TWIST2: variants seen among roughly 807,000 people sequenced by gnomAD.
TWIST2 encodes the protein twist-related protein 2.
TWIST2 carries 1 observed loss-of-function variant against 11.6 expected under a neutral mutation model. That is an observed-to-expected ratio of 0.09 (90% CI 0.03 to 0.41). TWIST2 has a LOEUF of 0.41. TWIST2 is among the 10% of genes least tolerant of loss of function. TWIST2 has a pLI of 0.98. For synonymous variants in TWIST2, 87 were observed against 96.6 expected (o/e 0.90, Z 0.58); for missense variants, 168 against 226.4 (o/e 0.74, Z 1.66).
At chr2:238,878,401 T>C (rs1192658375) in intron 1 of TWIST2, among the ~76,000 whole-genome samples, 2 of 152,216 alleles carry the variant, frequency 1.3e-5, no homozygotes, top group Non-Finnish European at 2.9e-5. Flanking sequence ...CCAGAGAGTA[T>C]AAACGCCAGA....
intron 1 of TWIST2, among the ~76,000 whole-genome samples, chr2:238,907,866 A>G (rs970406942): frequency 7.1e-6 from 1 of 141,204 alleles, no homozygotes; most frequent in Admixed American, 7.2e-5. Context: ...CATACACACC[A>G]CATACACACA....
At chr2:238,891,087 G>A (rs1020466915) in intron 1 of TWIST2, among the ~76,000 whole-genome samples, 1 of 152,216 alleles carries the variant, frequency 6.6e-6, no homozygotes, top group Non-Finnish European at 1.5e-5. Flanking sequence ...GACGGAGGAC[G>A]TCGATTAGAT....
chr2:238,887,931 G>A (rs1034385700), intron 1 of TWIST2, among the ~76,000 whole-genome samples: 3 of 152,202 alleles, frequency 2.0e-5, no homozygotes, highest in Non-Finnish European at 2.9e-5. Context: ...ACTGACATGA[G>A]CAGGAAAACC....
intron 1 of TWIST2, among the ~76,000 whole-genome samples, chr2:238,893,034 A>G (rs1423911719): frequency 6.6e-6 from 1 of 152,090 alleles, no homozygotes; most frequent in Admixed American, 6.6e-5. Context: ...CACGCCCCCA[A>G]CTGCTCCGCC....
At chr2:238,853,413 G>C (rs1385645381) in intron 1 of TWIST2, among the ~76,000 whole-genome samples, 1 of 146,532 alleles carries the variant, frequency 6.8e-6, no homozygotes, top group East Asian at 2.0e-4. Flanking sequence ...GGGAGAGAGG[G>C]AGAGATGGAG....
chr2:238,884,035 G>A (rs1559279891), intron 1 of TWIST2, among the ~76,000 whole-genome samples: 1 of 152,160 alleles, frequency 6.6e-6, no homozygotes, highest in Non-Finnish European at 1.5e-5. Context: ...ATTCCCCTAG[G>A]GTTAATCCGA....
At chr2:238,905,788 A>G (rs1204426836) in intron 1 of TWIST2, among the ~76,000 whole-genome samples, 1 of 152,200 alleles carries the variant, frequency 6.6e-6, no homozygotes, top group East Asian at 1.9e-4. Context: ...CTTTCTGCCC[A>G]GGACCACTTA....
chr2:238,878,915 C>A (rs980320428), intron 1 of TWIST2, among the ~76,000 whole-genome samples: 18 of 152,142 alleles, frequency 1.2e-4, no homozygotes, highest in Admixed American at 1.2e-3. Context: ...TTGGAGCCTG[C>A]AGTAAGAACT....
chr2:238,887,966 C>G (rs75844436), intron 1 of TWIST2, among the ~76,000 whole-genome samples: 3 of 152,188 alleles, frequency 2.0e-5, no homozygotes, highest in Non-Finnish European at 4.4e-5. Flanking sequence ...GGCCGCCTCT[C>G]GTGTTGTCCT....
chr2:238,869,697 A>C (rs1404053253), intron 1 of TWIST2, among the ~76,000 whole-genome samples: 1 of 152,202 alleles, frequency 6.6e-6, no homozygotes, highest in Non-Finnish European at 1.5e-5. Context: ...CAGTCCCAGC[A>C]TTCTGGGAGG....
In TWIST2 at chr2:238,902,978, T is replaced by TGTGTGATGTG. The variant is rs1344168075; in HGVS notation, c.*36-6863_*36-6862insTGTGATGTGG. ...AGGTGTGTGTGATGTGTGTGTGATG[T>TGTGTGATGTG]GGGTGTGTGATGGGTATGTGCGTGA... On this transcript the variant is annotated intron_variant, in intron 1 of 1. Transcript: ENST00000612363. 1.1e-4 allele frequency among the ~76,000 whole-genome samples: 3 copies of TGTGTGATGTG among 27,844 alleles called. 1 individual carries two copies. The East Asian group carries it at 4.3e-3, about 40-fold the overall frequency. The allele number at this position is 27,844 out of a possible 152,430, so 18.3% of individuals were successfully genotyped here. A position where few individuals can be genotyped will look rare whatever the true frequency, so the allele number is the denominator to read the frequency against.
intron 1 of TWIST2, among the ~76,000 whole-genome samples, chr2:238,880,283 A>G (rs1169768619): frequency 6.7e-6 from 1 of 149,854 alleles, no homozygotes; most frequent in Non-Finnish European, 1.5e-5. Context: ...ACTAGTATTT[A>G]TTAGTGTTAG....
intron 1 of TWIST2, among the ~76,000 whole-genome samples, chr2:238,870,586 C>CACATACCACACACAA: frequency 2.5e-5 from 1 of 40,798 alleles, no homozygotes; most frequent in Admixed American, 2.4e-4. Flanking sequence ...CACACACACA[C>CACATACCACACACAA]ACCACACACC....
chr2:238,907,960 A>G lies in TWIST2; in HGVS notation c.*36-1882A>G, dbSNP rs951632707. On this transcript the variant is annotated intron_variant, in intron 1 of 1. Transcript: ENST00000612363. ...AACACACATCACATGGCACACAAAC[A>G]TACCACACACTACACACACACCCCA... is the stretch of plus-strand genomic sequence containing the variant. Among the ~76,000 whole-genome samples the G allele has an allele frequency of 4.0e-5, 6 of 150,106 alleles. 1 individual carries two copies. Among genetic ancestry groups the G allele is most frequent in the Middle Eastern group, 6.9e-3 (2 of 288 alleles).
At chr2:238,876,761 T>C (rs1281450013) in intron 1 of TWIST2, among the ~76,000 whole-genome samples, 1 of 152,228 alleles carries the variant, frequency 6.6e-6, no homozygotes, top group Non-Finnish European at 1.5e-5. Flanking sequence ...TTTGGCAATA[T>C]GTGTCAAAAG....
chr2:238,894,707 C>G (rs1314883130), intron 1 of TWIST2, among the ~76,000 whole-genome samples: 1 of 150,326 alleles, frequency 6.7e-6, no homozygotes, highest in Non-Finnish European at 1.5e-5. Context: ...GGCTGTGCCT[C>G]CCATCTCTGC....
At chr2:238,859,652 AG>A (rs1020266177) in intron 1 of TWIST2, among the ~76,000 whole-genome samples, 2 of 151,890 alleles carry the variant, frequency 1.3e-5, no homozygotes, top group African/African-American at 4.8e-5. Flanking sequence ...GGAGGGGCTA[AG>A]GGGCTAAGCG....
intron 1 of TWIST2, among the ~76,000 whole-genome samples, chr2:238,858,618 T>A (rs1021080676): frequency 3.3e-5 from 5 of 152,148 alleles, no homozygotes; most frequent in African/African-American, 1.2e-4. Context: ...CAGTTTCCCA[T>A]GTGGTCCGAG....
intron 1 of TWIST2, among the ~76,000 whole-genome samples, chr2:238,898,515 G>A (rs1180750533): frequency 4.6e-5 from 7 of 152,318 alleles, no homozygotes; most frequent in South Asian, 4.1e-4. Context: ...AGATCGCTTG[G>A]ATCTATTGGA....
Sources: gnomAD v4.1 joint callset for allele counts (sites outside exome capture counted in the v4.1 genomes callset) on GRCh38, gnomAD v4.1.1 for gene constraint, MANE v1.5 for transcripts, NCBI Gene and HGNC (gene_info 2026-07-23, HGNC 2026-07-21) for gene names.